The following MED27 variants were observed in gnomAD, a reference collection of about 807,000 sequenced individuals.
MED27 encodes the protein mediator complex subunit 27, also known as mediator of RNA polymerase II transcription subunit 27.
MED27 carries 30 observed loss-of-function variants against 38.2 expected under a neutral mutation model. The observed-to-expected ratio is 0.79, with a 90% CI of 0.59 to 1.07. MED27 has a LOEUF of 1.07. Among genes scored for constraint, MED27 ranks in the 50% least tolerant of loss-of-function variants. The probability of loss-of-function intolerance (pLI) is 0.00; values close to 1 mark genes in which losing one functional copy is unlikely to be tolerated. For synonymous variants in MED27, 122 were observed against 153.5 expected, an observed-to-expected ratio of 0.79 and a Z score of 1.52; for missense variants, 289 against 397.5, an observed-to-expected ratio of 0.73 and a Z score of 2.32.
At chr9:132,071,776 C>T (rs549923285) in intron 2 of MED27, among the ~76,000 whole-genome samples, 6 of 151,350 alleles carry the variant, frequency 4.0e-5, no homozygotes, top group Non-Finnish European at 8.8e-5. Context: ...GAGTAACACA[C>T]GTCCATGAAC....
At chr9:132,011,781 C>G (rs1805729957) in intron 3 of MED27, among the ~76,000 whole-genome samples, 1 of 152,116 alleles carries the variant, frequency 6.6e-6, no homozygotes, top group African/African-American at 2.4e-5. Flanking sequence ...GCCCAAAAAG[C>G]TCAATGATGT....
At chr9:131,922,518 G>T (rs1234790044) in intron 4 of MED27, among the ~76,000 whole-genome samples, 3 of 150,484 alleles carry the variant, frequency 2.0e-5, no homozygotes, top group Non-Finnish European at 4.4e-5. Flanking sequence ...TTGCCTCACT[G>T]CAACCTCCAC....
At chr9:131,863,242 A>G (rs1033795231) in intron 6 of MED27, 102 bp from the exon 7 acceptor site, 14 of 914,680 alleles carry the variant, frequency 1.5e-5, no homozygotes, top group Non-Finnish European at 2.4e-5. Context: ...AGATCTGAGT[A>G]TCTCGTGGAG....
chr9:132,015,167 A>C (rs1228480935), intron 2 of MED27, among the ~76,000 whole-genome samples: 1 of 152,268 alleles, frequency 6.6e-6, no homozygotes, highest in Non-Finnish European at 1.5e-5. Context: ...AATTACAAAT[A>C]TCAATCATAA....
intron 2 of MED27, among the ~76,000 whole-genome samples, chr9:132,039,340 A>C (rs1833153220): frequency 6.6e-6 from 1 of 152,166 alleles, no homozygotes; most frequent in African/African-American, 2.4e-5. Flanking sequence ...TGTGCACCTC[A>C]GTTTCCTCAG....
At position 131,950,189 on chromosome 9, in the gene MED27, A is replaced by G. The variant is rs574585421; in HGVS notation, c.480-10715T>C. On this transcript the variant is annotated intron_variant, in intron 3 of 7. Transcript: ENST00000292035. ...CCCTAATAATAAAACACCTGTGTTG[A>G]GCTTTCCAGCAACACCAATTAACAA... Among the ~76,000 whole-genome samples the G allele has an allele frequency of 1.9e-3, 286 of 152,348 alleles. 2 individuals are homozygous for G. Among genetic ancestry groups the G allele is most frequent in the African/African-American group, 6.4e-3 (267 of 41,584 alleles).
intron 2 of MED27, among the ~76,000 whole-genome samples, chr9:132,075,772 C>A (rs945934761): frequency 6.6e-6 from 1 of 152,220 alleles, no homozygotes; most frequent in African/African-American, 2.4e-5. Context: ...CCATGGAATA[C>A]ATCAACATGG....
intron 2 of MED27, among the ~76,000 whole-genome samples, chr9:132,053,528 T>G (rs1214250919): frequency 1.3e-5 from 2 of 152,140 alleles, no homozygotes; most frequent in Non-Finnish European, 2.9e-5. Context: ...TTATAGACAT[T>G]ACTGCATCCT....
At chr9:131,912,913 G>T (rs1175665642) in intron 4 of MED27, among the ~76,000 whole-genome samples, 7 of 152,122 alleles carry the variant, frequency 4.6e-5, no homozygotes, top group African/African-American at 1.4e-4. Context: ...AAAATTCCTG[G>T]AACAAGATGT....
intron 6 of MED27, among the ~76,000 whole-genome samples, chr9:131,881,413 G>C (rs1369728159): frequency 1.3e-5 from 2 of 152,184 alleles, no homozygotes; most frequent in African/African-American, 2.4e-5. Flanking sequence ...AGGGACCAGG[G>C]AGGAAGAGAG....
chr9:131,921,179 T>C (rs1320163291), intron 4 of MED27, among the ~76,000 whole-genome samples: 1 of 152,176 alleles, frequency 6.6e-6, no homozygotes, highest in Admixed American at 6.5e-5. Context: ...GTTCCAACAA[T>C]AGTACAAAGA....
chr9:131,980,203 C>T (rs946659062), intron 3 of MED27, among the ~76,000 whole-genome samples: 6 of 52,866 alleles, frequency 1.1e-4, no homozygotes, highest in South Asian at 1.7e-3. Context: ...AAATGGGAGG[C>T]GGGTGGCGGG....
At chr9:131,976,178 C>CT (rs1310023058) in intron 3 of MED27, among the ~76,000 whole-genome samples, 1 of 152,146 alleles carries the variant, frequency 6.6e-6, no homozygotes, top group Non-Finnish European at 1.5e-5. Flanking sequence ...CACCTCGGGA[C>CT]TTGCTTAATC....
In MED27 at chr9:131,982,603, T is replaced by C. The variant is rs1296092856; in HGVS notation, c.479+31734A>G. Among the ~76,000 whole-genome samples the C allele has an allele frequency of 6.6e-6, 1 of 152,210 alleles. No homozygotes were observed. Among genetic ancestry groups the C allele is most frequent in the African/African-American group, 2.4e-5 (1 of 41,460 alleles). On this transcript the variant is annotated intron_variant, in intron 3 of 7. Transcript: ENST00000292035. The surrounding 1 kb of genome is among the most constrained non-coding windows in gnomAD (Gnocchi z 4.3). ...GATACTGTTATCCCCATTTTACAGATGGGAAAACAGCACACAAGTAACTTG... is the reference window on the plus strand; with the variant it reads ...GATACTGTTATCCCCATTTTACAGACGGGAAAACAGCACACAAGTAACTTG...
At chr9:131,871,615 T>C (rs768875522) in intron 6 of MED27, among the ~76,000 whole-genome samples, 17 of 152,168 alleles carry the variant, frequency 1.1e-4, no homozygotes, top group Admixed American at 3.9e-4. Context: ...GGTGGTCTGA[T>C]CACAGCACAC....
chr9:131,958,330 C>G (rs925839703), intron 3 of MED27, among the ~76,000 whole-genome samples: 3 of 151,670 alleles, frequency 2.0e-5, no homozygotes, highest in Non-Finnish European at 4.4e-5. Context: ...CTGCACACCT[C>G]CGCCTCCCGA....
intron 5 of MED27, among the ~76,000 whole-genome samples, chr9:131,885,959 G>C (rs1839132733): frequency 6.6e-6 from 1 of 152,184 alleles, no homozygotes; most frequent in South Asian, 2.1e-4. Context: ...CGGTCAGGTA[G>C]AGCCCTGGGC....
chr9:132,044,933 A>G (rs1417806811), intron 2 of MED27, among the ~76,000 whole-genome samples: 1 of 152,244 alleles, frequency 6.6e-6, no homozygotes, highest in African/African-American at 2.4e-5. Flanking sequence ...TTTTAGATCA[A>G]TTAGAGTTAA....
intron 6 of MED27, among the ~76,000 whole-genome samples, chr9:131,864,785 T>C (rs2131448393): frequency 6.6e-6 from 1 of 152,344 alleles, no homozygotes; most frequent in African/African-American, 2.4e-5. Context: ...CCTGGCCTCT[T>C]ATGGGGGCCT....
Sources: allele counts gnomAD v4.1 joint callset (sites outside exome capture counted in the v4.1 genomes callset), GRCh38; gene constraint gnomAD v4.1.1; non-coding constraint Gnocchi (gnomAD v3.1); transcripts MANE v1.5; gene names NCBI Gene and HGNC (gene_info 2026-07-23, HGNC 2026-07-21).